Variants in SLC44A5 observed in about 807,000 individuals in gnomAD.
The protein encoded by SLC44A5 is choline transporter-like protein 5.
In SLC44A5, 57 loss-of-function variants were observed where a neutral mutation model predicts 101.8. The observed-to-expected ratio is 0.56, with a 90% confidence interval of 0.45 to 0.70. SLC44A5 has a LOEUF of 0.70. Ranked by LOEUF, SLC44A5 falls within the 30% of genes least tolerant of loss-of-function variation. The probability of loss-of-function intolerance (pLI) is 0.00; values close to 1 mark genes in which losing one functional copy is unlikely to be tolerated. For missense variants in SLC44A5, 737 were observed against 853.1 expected, an observed-to-expected ratio of 0.86 and a Z score of 1.70; for synonymous variants, 281 against 290.9, an observed-to-expected ratio of 0.97 and a Z score of 0.35.
At chr1:75,564,475 T>C (rs1052704417) in intron 1 of SLC44A5, among the ~76,000 whole-genome samples, 6 of 151,980 alleles carry the variant, frequency 3.9e-5, no homozygotes, top group Non-Finnish European at 4.4e-5. Context: ...AGAAAAGCTT[T>C]GTAATTAATT....
intron 4 of SLC44A5, among the ~76,000 whole-genome samples, chr1:75,337,758 T>G (rs780811453): frequency 2.0e-5 from 3 of 152,174 alleles, no homozygotes; most frequent in Non-Finnish European, 4.4e-5. Context: ...CTTCGCCTTT[T>G]CTCAAAACAA....
At chr1:75,573,744 G>C (rs138427378) in intron 1 of SLC44A5, among the ~76,000 whole-genome samples, 1 of 152,052 alleles carries the variant, frequency 6.6e-6, no homozygotes, top group African/African-American at 2.4e-5. Flanking sequence ...GTAAGTATCA[G>C]GTAAATTGTC....
intron 23 of SLC44A5, 29 bp downstream of exon 23, chr1:75,211,439 G>A: frequency 6.4e-7 from 1 of 1,563,236 alleles, no homozygotes. Context: ...ATCCACCGAA[G>A]GGGGAAAACA....
intron 2 of SLC44A5, among the ~76,000 whole-genome samples, chr1:75,472,238 A>T (rs1037751606): frequency 2.6e-5 from 4 of 152,062 alleles, no homozygotes; most frequent in African/African-American, 9.7e-5. Flanking sequence ...ATGCAGGGGA[A>T]AGTGTGCCGA....
chr1:75,677,366 CTTGT>C, the SLC44A5 span, among the ~76,000 whole-genome samples: 5 of 152,186 alleles, frequency 3.3e-5, no homozygotes, highest in East Asian at 3.9e-4. Context: ...TTTCTCTTTG[CTTGT>C]TTATTAATTT....
At chr1:75,503,171 T>C (rs1669061468) in intron 2 of SLC44A5, among the ~76,000 whole-genome samples, 1 of 152,132 alleles carries the variant, frequency 6.6e-6, no homozygotes, top group African/African-American at 2.4e-5. Flanking sequence ...TCAAATCTTC[T>C]CTCAAGTCAG....
intron 4 of SLC44A5, among the ~76,000 whole-genome samples, chr1:75,321,687 C>G (rs1007139521): frequency 6.6e-6 from 1 of 152,234 alleles, no homozygotes; most frequent in Admixed American, 6.5e-5. Context: ...AAATATTCAA[C>G]AATCCATTCA....
chr1:75,535,528 A>G (rs1348840535), intron 2 of SLC44A5, among the ~76,000 whole-genome samples: 2 of 152,202 alleles, frequency 1.3e-5, no homozygotes, highest in Non-Finnish European at 2.9e-5. Context: ...GTTAGCCCAA[A>G]GATCACTGGT....
At chr1:75,478,236 AG>A (rs1395216747) in intron 2 of SLC44A5, among the ~76,000 whole-genome samples, 4 of 152,106 alleles carry the variant, frequency 2.6e-5, no homozygotes, top group African/African-American at 9.6e-5. Flanking sequence ...CTGCCCTAAA[AG>A]AGCTCCTGAA....
the SLC44A5 span, chr1:75,642,008 T>C: frequency 2.2e-5 from 32 of 1,471,202 alleles, no homozygotes; most frequent in Admixed American, 1.4e-4. Context: ...TTCATCTGCA[T>C]GGTGGAAGAA....
intron 2 of SLC44A5, among the ~76,000 whole-genome samples, chr1:75,514,771 C>T (rs1244696009): frequency 1.3e-5 from 2 of 152,000 alleles, no homozygotes; most frequent in Non-Finnish European, 2.9e-5. Context: ...AAGTACAAAC[C>T]CAGACCATAT....
chr1:75,301,291 C>G (rs750551923), intron 4 of SLC44A5, among the ~76,000 whole-genome samples: 2 of 152,182 alleles, frequency 1.3e-5, no homozygotes, highest in Non-Finnish European at 2.9e-5. Flanking sequence ...ATCTGACTCA[C>G]AGAGAGTCAG....
At chr1:75,590,545 C>T (rs1674288527) in intron 1 of SLC44A5, among the ~76,000 whole-genome samples, 1 of 152,116 alleles carries the variant, frequency 6.6e-6, no homozygotes, top group South Asian at 2.1e-4. Flanking sequence ...ATTTCTGAAC[C>T]TGCCCTGGGG....
intron 2 of SLC44A5, among the ~76,000 whole-genome samples, chr1:75,421,556 T>C (rs1007290733): frequency 6.6e-6 from 1 of 152,164 alleles, no homozygotes; most frequent in Non-Finnish European, 1.5e-5. Flanking sequence ...GCTGAATGCA[T>C]AGAGACACTG....
intron 3 of SLC44A5, among the ~76,000 whole-genome samples, chr1:75,364,572 T>G (rs1659725528): frequency 6.6e-6 from 1 of 152,198 alleles, no homozygotes; most frequent in Non-Finnish European, 1.5e-5. Flanking sequence ...GAGATTTTGG[T>G]GGGAACACAG....
chr1:75,626,860 T>G, the SLC44A5 span, among the ~76,000 whole-genome samples: 1 of 152,154 alleles, frequency 6.6e-6, no homozygotes, highest in Admixed American at 6.6e-5. Flanking sequence ...AAAGCTTTTA[T>G]AGTACAGCAT....
intron 6 of SLC44A5, among the ~76,000 whole-genome samples, chr1:75,268,681 G>A (rs2100722429): frequency 6.6e-6 from 1 of 152,146 alleles, no homozygotes; most frequent in East Asian, 1.9e-4. Flanking sequence ...TGTGAATATA[G>A]AGTATACAAG....
chr1:75,528,394 A>G (rs1228160581), intron 2 of SLC44A5, among the ~76,000 whole-genome samples: 1 of 152,256 alleles, frequency 6.6e-6, no homozygotes, highest in Non-Finnish European at 1.5e-5. Flanking sequence ...TTAAAGAAAT[A>G]TAATATGGGA....
At chr1:75,721,146 T>C in the SLC44A5 span, among the ~76,000 whole-genome samples, 3 of 152,226 alleles carry the variant, frequency 2.0e-5, no homozygotes, top group African/African-American at 4.8e-5. Context: ...TAAAGAGGCA[T>C]GTCCAACCCC....
Sources: gnomAD v4.1 joint callset for allele counts (sites outside exome capture counted in the v4.1 genomes callset) on GRCh38, gnomAD v4.1.1 for gene constraint, MANE v1.5 for transcripts, NCBI Gene and HGNC (gene_info 2026-07-23, HGNC 2026-07-21) for gene names.